Variants in ELAVL1 observed in about 807,000 individuals in gnomAD.
The protein encoded by ELAVL1 is ELAV like RNA binding protein 1, also known as ELAV-like protein 1.
ELAVL1 carries 1 observed loss-of-function variant against 28.4 expected under a neutral mutation model. The ratio of observed to expected loss-of-function variants is 0.04; its 90% CI spans 0.01 to 0.17. The LOEUF (loss-of-function observed/expected upper bound fraction) is 0.17, where lower values mean the gene tolerates loss of function less well. ELAVL1 is among the 10% of genes least tolerant of loss of function. The pLI, the probability that ELAVL1 is intolerant of heterozygous loss-of-function variation, is 1.00. For missense variants in ELAVL1, 157 were observed against 447.2 expected, an observed-to-expected ratio of 0.35 and a Z score of 5.85; for synonymous variants, 174 against 183.5, an observed-to-expected ratio of 0.95 and a Z score of 0.42.
At chr19:7,999,610 T>C (rs900732235) in intron 1 of ELAVL1, among the ~76,000 whole-genome samples, 2 of 152,134 alleles carry the variant, frequency 1.3e-5, no homozygotes, top group Non-Finnish European at 2.9e-5. Flanking sequence ...TACAGGAGGC[T>C]GCTGGCTCTC....
At chr19:7,997,819 C>T (rs1233868412) in intron 1 of ELAVL1, among the ~76,000 whole-genome samples, 1 of 151,712 alleles carries the variant, frequency 6.6e-6, no homozygotes, top group East Asian at 1.9e-4. Context: ...TGGTGATGCA[C>T]ACCTGTATGC....
Position 7,958,844 on chromosome 19 carries a change from A to G in ELAVL1, c.*4639T>C, listed in dbSNP as rs1984728985. The G allele has an allele frequency of 6.5e-6, 1 of 153,010 alleles. No individual in the cohort carries two copies. 9.5% of individuals were successfully genotyped at this position (153,010 alleles called of 1,614,324 possible). A position where few individuals can be genotyped will look rare whatever the true frequency, so the allele number is the denominator to read the frequency against. On this transcript the variant is annotated 3_prime_UTR_variant, in exon 6 of 6. Transcript: ENST00000407627. ...TCATGTTTCCATTACATGTAAATATATCAATTTGGCATCTCTATAAAAACT... is the reference window on the plus strand; with the variant it reads ...TCATGTTTCCATTACATGTAAATATGTCAATTTGGCATCTCTATAAAAACT...
rs914779648 is a variant in ELAVL1 at position 7,977,119 on chromosome 19, G to A, written c.277-3241C>T. On this transcript the variant is annotated intron_variant, in intron 3 of 5. Coordinates refer to ENST00000407627, the MANE Select transcript of ELAVL1 (RefSeq NM_001419.3). The stretch of plus-strand genomic sequence containing the variant: ...GCAGGCATCTGGGGACCGCTGCTGC[G>A]TGAGTGGAGTGCGCAGTAGCCACTG... Among the ~76,000 whole-genome samples, 6 of 152,328 alleles carry A rather than the reference G, an allele frequency of 3.9e-5. No individual in the cohort carries two copies. In the South Asian group the frequency reaches 6.2e-4, roughly 16 times the overall value.
At chr19:7,974,770 C>A (rs1985232501) in intron 3 of ELAVL1, among the ~76,000 whole-genome samples, 1 of 152,170 alleles carries the variant, frequency 6.6e-6, no homozygotes, top group African/African-American at 2.4e-5. Context: ...GGGCACAGAA[C>A]TGATGAGCCA....
At chr19:7,991,934 T>C in intron 1 of ELAVL1, 103 bp from the exon 2 acceptor site, 3 of 767,716 alleles carry the variant, frequency 3.9e-6, no homozygotes, top group Non-Finnish European at 5.4e-6. Flanking sequence ...CTTTCTTTCT[T>C]TTTTTTTTTT....
At chr19:8,001,561 C>T (rs1325088559) in intron 1 of ELAVL1, among the ~76,000 whole-genome samples, 1 of 152,170 alleles carries the variant, frequency 6.6e-6, no homozygotes, top group Admixed American at 6.6e-5. Flanking sequence ...TGAGTCTGGC[C>T]ATCGAGCTGT....
At chr19:7,980,498 G>C (rs1019526624) in intron 3 of ELAVL1, among the ~76,000 whole-genome samples, 1 of 152,138 alleles carries the variant, frequency 6.6e-6, no homozygotes. Flanking sequence ...GTGACCTGGA[G>C]GACCTGCAAC....
rs555582655 is a variant in ELAVL1, at chr19:7,984,030, G to A, written c.173-2844C>T. On this transcript the variant is annotated intron_variant, in intron 2 of 5. Coordinates refer to ENST00000407627, the MANE Select transcript of ELAVL1 (RefSeq NM_001419.3). The stretch of plus-strand genomic sequence containing the variant: ...CCTGTCCATTCCATGGAGACCCATG[G>A]GCCCTGAGGACCCACCTTTGGCCCT... 1.8e-3 allele frequency among the ~76,000 whole-genome samples: 270 copies of A among 152,106 alleles called. 1 individual carries two copies. The highest frequency in any genetic ancestry group is 2.6e-3 in the Non-Finnish European group (174 of 67,978).
intron 2 of ELAVL1, among the ~76,000 whole-genome samples, chr19:7,983,914 G>A (rs1266276475): frequency 6.6e-6 from 1 of 151,970 alleles, no homozygotes; most frequent in East Asian, 1.9e-4. Flanking sequence ...CTCAGGGTAG[G>A]GCCTACCCTC....
At chr19:7,976,453 G>A (rs962612256) in intron 3 of ELAVL1, among the ~76,000 whole-genome samples, 1 of 152,026 alleles carries the variant, frequency 6.6e-6, no homozygotes, top group South Asian at 2.1e-4. Flanking sequence ...TTAGAAAGGC[G>A]GGAAATGTGG....
At chr19:7,985,436 G>C (rs1985574655) in intron 2 of ELAVL1, among the ~76,000 whole-genome samples, 1 of 152,220 alleles carries the variant, frequency 6.6e-6, no homozygotes, top group Non-Finnish European at 1.5e-5. Context: ...CCCATCCCGG[G>C]ACCCAGGATG....
chr19:7,984,204 A>G (rs576430716), intron 2 of ELAVL1, among the ~76,000 whole-genome samples: 2 of 152,178 alleles, frequency 1.3e-5, no homozygotes, highest in East Asian at 3.9e-4. Flanking sequence ...AGCACCTACT[A>G]TGTGTCAGGC....
chr19:7,981,045 G>A lies in ELAVL1; in HGVS notation c.276+38C>T. ...GGGGCTCAGCACAGACCTGTGCCCAGGGCAGGAATGGATGCGGTGGTGATC... is the reference window on the plus strand; with the variant it reads ...GGGGCTCAGCACAGACCTGTGCCCAAGGCAGGAATGGATGCGGTGGTGATC... On this transcript the variant is annotated intron_variant, in intron 3 of 5. Transcript: ENST00000407627. The surrounding 1 kb of genome is among the most constrained non-coding windows in gnomAD (Gnocchi z 4.2). 6.2e-7 allele frequency: 1 copy of A among 1,601,652 alleles called. No homozygotes were observed. Among genetic ancestry groups the A allele is most frequent in the Non-Finnish European group, 8.6e-7 (1 of 1,169,162 alleles).
At position 7,961,433 on chromosome 19, in the gene ELAVL1, G is replaced by A. The variant is rs1338518137; in HGVS notation, c.*2050C>T. On this transcript the variant is annotated 3_prime_UTR_variant, in exon 6 of 6. Coordinates refer to ENST00000407627, the MANE Select transcript of ELAVL1 (RefSeq NM_001419.3). Reference sequence around the variant, plus strand: ...GGCTCCCACCTTCCATCAGAAGGGTGTTGGCTCCCACCTTCCATCAGAAGA... The same window carrying A: ...GGCTCCCACCTTCCATCAGAAGGGTATTGGCTCCCACCTTCCATCAGAAGA... 1 of 149,956 alleles carries A rather than the reference G, an allele frequency of 6.7e-6. No homozygotes were observed. Among genetic ancestry groups the A allele is most frequent in the Non-Finnish European group, 1.5e-5 (1 of 67,496 alleles). 9.3% of individuals were successfully genotyped at this position (149,956 alleles called of 1,614,324 possible). A position where few individuals can be genotyped will look rare whatever the true frequency, so the allele number is the denominator to read the frequency against.
chr19:7,964,137 T>C (rs1234783263), intron 5 of ELAVL1, among the ~76,000 whole-genome samples: 3 of 152,178 alleles, frequency 2.0e-5, no homozygotes, highest in African/African-American at 4.8e-5. Flanking sequence ...TGGTCCTCCG[T>C]TGAAGGTAGA....
At chr19:7,967,474 A>G (rs781118578) in intron 5 of ELAVL1, 91 bp downstream of exon 5, 26 of 1,377,806 alleles carry the variant, frequency 1.9e-5, no homozygotes, top group Non-Finnish European at 2.6e-5. Context: ...GGATCAGTCT[A>G]TCATCCCCGT....
intron 5 of ELAVL1, among the ~76,000 whole-genome samples, chr19:7,964,791 C>T (rs1302992029): frequency 6.6e-6 from 1 of 152,180 alleles, no homozygotes; most frequent in Non-Finnish European, 1.5e-5. Flanking sequence ...GTTCCTAAAG[C>T]TATGTTTCCC....
chr19:7,998,606 C>T (rs911359353), intron 1 of ELAVL1, among the ~76,000 whole-genome samples: 2 of 152,148 alleles, frequency 1.3e-5, no homozygotes, highest in African/African-American at 4.8e-5. Flanking sequence ...CTCTGCAGGG[C>T]ACTAGTGTCC....
At chr19:7,978,809 A>T (rs1179683576) in intron 3 of ELAVL1, among the ~76,000 whole-genome samples, 1 of 152,082 alleles carries the variant, frequency 6.6e-6, no homozygotes, top group African/African-American at 2.4e-5. Flanking sequence ...CGTGGCCTTA[A>T]ATGTGCTGGG....
Sources: gnomAD v4.1 joint callset for allele counts (sites outside exome capture counted in the v4.1 genomes callset) on GRCh38, gnomAD v4.1.1 for gene constraint, Gnocchi (gnomAD v3.1) non-coding constraint, MANE v1.5 for transcripts, NCBI Gene and HGNC (gene_info 2026-07-23, HGNC 2026-07-21) for gene names.